The following PTK2B variants were observed in gnomAD, a reference collection of about 807,000 sequenced individuals.
The protein encoded by PTK2B is protein-tyrosine kinase 2-beta.
PTK2B carries 71 observed loss-of-function variants against 142.9 expected under a neutral mutation model. The ratio of observed to expected loss-of-function variants is 0.50; its 90% confidence interval spans 0.41 to 0.61. The LOEUF (loss-of-function observed/expected upper bound fraction) is 0.61. Among genes scored for constraint, PTK2B ranks in the 20% least tolerant of loss-of-function variants. The probability of loss-of-function intolerance (pLI) is 0.00; values close to 1 mark genes in which losing one functional copy is unlikely to be tolerated. For missense variants in PTK2B, 1,105 were observed against 1,320.4 expected, an observed-to-expected ratio of 0.84 and a Z score of 2.53; for synonymous variants, 519 against 503.4, an observed-to-expected ratio of 1.03 and a Z score of -0.42.
chr8:27,349,564 A>G (rs1804923041), intron 1 of PTK2B, among the ~76,000 whole-genome samples: 1 of 152,210 alleles, frequency 6.6e-6, no homozygotes, highest in South Asian at 2.1e-4. Context: ...CTCAGCTCTG[A>G]TCCTGGGCCC....
At chr8:27,451,357 G>T in intron 26 of PTK2B, 128 bp from the exon 27 acceptor site, 1 of 1,455,340 alleles carries the variant, frequency 6.9e-7, no homozygotes. Context: ...GCTCCCAGAA[G>T]CACCCCCGAC....
At chr8:27,374,925 G>A (rs1470372838) in intron 1 of PTK2B, among the ~76,000 whole-genome samples, 2 of 152,234 alleles carry the variant, frequency 1.3e-5, no homozygotes, top group Non-Finnish European at 2.9e-5. Flanking sequence ...TCAGCCTTGA[G>A]ATGCTGTAAA....
chr8:27,440,966 G>A (rs1433569420), intron 21 of PTK2B, among the ~76,000 whole-genome samples: 1 of 152,088 alleles, frequency 6.6e-6, no homozygotes, highest in African/African-American at 2.4e-5. Flanking sequence ...TGGGGAAGAA[G>A]GTCATCTGTT....
intron 1 of PTK2B, among the ~76,000 whole-genome samples, chr8:27,387,274 G>A (rs1027257925): frequency 3.9e-5 from 6 of 152,068 alleles, no homozygotes; most frequent in South Asian, 2.1e-4. Flanking sequence ...TCAGTCAGTC[G>A]CTTTTCCTCA....
At chr8:27,445,498 T>C (rs11135993) in intron 23 of PTK2B, among the ~76,000 whole-genome samples, 68,440 of 152,000 alleles carry the variant, frequency 0.45, 15,692 homozygotes, top group South Asian at 0.54. Flanking sequence ...GAAACAACTA[T>C]TTTTTGAAGA....
chr8:27,341,634 G>A (rs1445469484), intron 1 of PTK2B, among the ~76,000 whole-genome samples: 1 of 152,140 alleles, frequency 6.6e-6, no homozygotes, highest in Non-Finnish European at 1.5e-5. Flanking sequence ...ATAGCATGGA[G>A]TCAGTGGCAT....
In PTK2B at chr8:27,420,647, C is replaced by T. The variant is rs767341138; in HGVS notation, c.384-10C>T. 6.2e-7 allele frequency: 1 copy of T among 1,612,624 alleles called. No individual in the cohort carries two copies. Among genetic ancestry groups the T allele is most frequent in the Non-Finnish European group, 8.5e-7 (1 of 1,178,748 alleles). On this transcript the variant is annotated splice_polypyrimidine_tract_variant and intron_variant, in intron 3 of 30. Transcript: ENST00000346049. ...TCTGTGTCAACCAGAGCCTGAATGT[C>T]TTGTTGCAGGTATGACCTTCAAATC...
chr8:27,385,435 T>C (rs1807288477), intron 1 of PTK2B, among the ~76,000 whole-genome samples: 1 of 152,224 alleles, frequency 6.6e-6, no homozygotes, highest in African/African-American at 2.4e-5. Flanking sequence ...TCTTCTCTTG[T>C]CACATTTCAT....
intron 27 of PTK2B, chr8:27,452,637 G>C (rs1170740485): frequency 6.3e-6 from 1 of 158,682 alleles, no homozygotes; most frequent in Non-Finnish European, 1.4e-5. Flanking sequence ...GGAGTGAATA[G>C]CATGTTTCTG....
upstream of PTK2B, chr8:27,311,254 G>C (rs546590704): frequency 1.4e-5 from 21 of 1,485,624 alleles, no homozygotes; most frequent in East Asian, 2.4e-4. Flanking sequence ...CAGCCGGCTC[G>C]GGCGCCCGGA....
intron 1 of PTK2B, 111 bp from the exon 2 acceptor site, chr8:27,397,437 T>C: frequency 1.2e-6 from 1 of 804,072 alleles, no homozygotes; most frequent in East Asian, 2.5e-5. Flanking sequence ...AATGGGAGAA[T>C]ATATAGCATT....
intron 1 of PTK2B, among the ~76,000 whole-genome samples, chr8:27,359,727 C>G (rs957870523): frequency 6.6e-6 from 1 of 152,174 alleles, no homozygotes; most frequent in Non-Finnish European, 1.5e-5. Flanking sequence ...TTTACCTTCT[C>G]TCTTTCTTTC....
At chr8:27,420,822 G>A in intron 4 of PTK2B, 78 bp downstream of exon 4, 1 of 1,327,628 alleles carries the variant, frequency 7.5e-7, no homozygotes, top group Non-Finnish European at 1.1e-6. Context: ...CTCTCCTAGG[G>A]AGATGGAAAG....
At chr8:27,311,429 C>T (rs1435526409), upstream of PTK2B, 6 of 695,066 alleles carry the variant, frequency 8.6e-6, no homozygotes, top group Non-Finnish European at 1.4e-5. Flanking sequence ...GGAGCCCCAC[C>T]CACTTCCGGT....
At chr8:27,449,999 GATTGCATT>G (rs1811703474) in intron 24 of PTK2B, among the ~76,000 whole-genome samples, 1 of 152,180 alleles carries the variant, frequency 6.6e-6, no homozygotes, top group Non-Finnish European at 1.5e-5. Flanking sequence ...CTCAAGCTAT[GATTGCATT>G]TATCTTATCT....
intron 1 of PTK2B, among the ~76,000 whole-genome samples, chr8:27,335,462 C>T (rs931234310): frequency 1.3e-5 from 2 of 152,112 alleles, no homozygotes; most frequent in Admixed American, 6.5e-5. Context: ...TATTGTGGCG[C>T]AGGCCTGTAA....
At chr8:27,397,136 T>G (rs1320411264) in intron 1 of PTK2B, among the ~76,000 whole-genome samples, 1 of 152,204 alleles carries the variant, frequency 6.6e-6, no homozygotes, top group Non-Finnish European at 1.5e-5. Flanking sequence ...TCCCTGTTCC[T>G]CTCCTGCTAT....
chr8:27,433,859 G>A (rs906269704), intron 11 of PTK2B, among the ~76,000 whole-genome samples: 3 of 152,204 alleles, frequency 2.0e-5, no homozygotes, highest in African/African-American at 7.2e-5. Context: ...TCCATCTTGG[G>A]TCAGATTCAG....
intron 1 of PTK2B, among the ~76,000 whole-genome samples, chr8:27,392,727 A>G (rs186156690): frequency 6.6e-6 from 1 of 152,290 alleles, no homozygotes; most frequent in Admixed American, 6.5e-5. Context: ...GGAACCGTTC[A>G]TTTACTTTGC....
Sources: gnomAD v4.1 joint callset for allele counts (sites outside exome capture counted in the v4.1 genomes callset) on GRCh38, gnomAD v4.1.1 for gene constraint, MANE v1.5 for transcripts, NCBI Gene and HGNC (gene_info 2026-07-23, HGNC 2026-07-21) for gene names.